The following SLC2A5 variants were observed in gnomAD, a reference collection of about 807,000 sequenced individuals.
The protein encoded by SLC2A5 is solute carrier family 2 member 5.
A neutral mutation model predicts 50.3 loss-of-function variants in SLC2A5; 56 were observed. That is an observed-to-expected ratio of 1.11 (90% CI 0.90 to 1.39). SLC2A5 has a LOEUF of 1.39. SLC2A5 is among the 40% of genes most tolerant of loss of function. The probability of loss-of-function intolerance (pLI) is 0.00; values close to 1 mark genes in which losing one functional copy is unlikely to be tolerated. For synonymous variants in SLC2A5, 269 were observed against 281.9 expected (o/e 0.95, Z 0.46); for missense variants, 566 against 650.1 (o/e 0.87, Z 1.41).
chr1:9,085,670 C>T (rs895901539), intron 1 of SLC2A5, among the ~76,000 whole-genome samples: 1 of 152,160 alleles, frequency 6.6e-6, no homozygotes, highest in African/African-American at 2.4e-5. Context: ...GTTTTAAGAG[C>T]CCTGACTGAG....
chr1:9,085,210 G>A (rs1642390955), intron 1 of SLC2A5: 1 of 152,236 alleles, frequency 6.6e-6, no homozygotes, highest in Non-Finnish European at 1.5e-5. Context: ...AAGTATGAGT[G>A]ACTACGGCCT....
intron 2 of SLC2A5, chr1:9,083,011 C>T (rs565949621): frequency 5.3e-4 from 86 of 161,786 alleles, no homozygotes; most frequent in African/African-American, 1.8e-3. Flanking sequence ...ATTGTGCAAC[C>T]CTGTGAATGC....
chr1:9,084,639 C>T (rs1642386064), intron 2 of SLC2A5, among the ~76,000 whole-genome samples: 1 of 152,192 alleles, frequency 6.6e-6, no homozygotes, highest in African/African-American at 2.4e-5. Flanking sequence ...ACATCAGGCA[C>T]CAGATCCAGA....
At position 9,057,531 on chromosome 1, in the gene SLC2A5, C is replaced by T; in HGVS notation, c.210G>A (p.Leu70=). The T allele has an allele frequency of 6.2e-7, 1 of 1,613,902 alleles. No homozygotes were observed. The part of the protein sequence containing the change: ...EFMEDFPLTL[L]WSVTVSMFPF... ...GAAACATGGACACGGTTACAGACCACAGCAACGTCAAGGGGAAGTCTTCCA... is the reference window on the plus strand; with the variant it reads ...GAAACATGGACACGGTTACAGACCATAGCAACGTCAAGGGGAAGTCTTCCA... The change falls in exon 3 of 12, where the codon CTG becomes CTA. Residue 70 remains leucine, a synonymous_variant. Coordinates refer to ENST00000377424, the MANE Select transcript of SLC2A5 (RefSeq NM_003039.3).
chr1:9,079,347 C>T (rs959879556), intron 2 of SLC2A5, among the ~76,000 whole-genome samples: 1 of 152,142 alleles, frequency 6.6e-6, no homozygotes, highest in African/African-American at 2.4e-5. Context: ...AGAGAGTGCA[C>T]GTGCACAGGA....
At chr1:9,051,089 G>A (rs1040289464) in intron 3 of SLC2A5, among the ~76,000 whole-genome samples, 3 of 152,060 alleles carry the variant, frequency 2.0e-5, no homozygotes, top group African/African-American at 7.2e-5. Flanking sequence ...ATATCAAGGA[G>A]GGAGGTGGAC....
At chr1:9,091,708 T>G (rs933571775), upstream of SLC2A5, among the ~76,000 whole-genome samples, 2 of 152,158 alleles carry the variant, frequency 1.3e-5, no homozygotes, top group East Asian at 3.8e-4. Context: ...TTTTACCACC[T>G]TACTTCCACT....
At chr1:9,086,091 C>T (rs557545265) in intron 1 of SLC2A5, among the ~76,000 whole-genome samples, 27 of 152,262 alleles carry the variant, frequency 1.8e-4, no homozygotes, top group African/African-American at 6.0e-4. Context: ...TGAAGTGGGA[C>T]AGGGAGTTCA....
chr1:9,058,394 C>A (rs1641819990), intron 1 of SLC2A5, 144 bp from the exon 2 acceptor site: 2 of 638,766 alleles, frequency 3.1e-6, no homozygotes, highest in Non-Finnish European at 5.7e-6. Context: ...TACCCTCAAC[C>A]CACCTTGGGT....
At position 9,081,279 on chromosome 1, in the gene SLC2A5, AC is replaced by A. The variant is rs66786949; in HGVS notation, c.-59+3734del. Among the ~76,000 whole-genome samples the A allele has an allele frequency of 5.1e-3, 476 of 93,318 alleles. 6 individuals carry two copies. The highest frequency in any genetic ancestry group is 0.021 in the African/African-American group (428 of 20,802). The allele number at this position is 93,318 out of a possible 152,430, so 61.2% of individuals were successfully genotyped here. On this transcript the variant is annotated intron_variant, in intron 2 of 5. Transcript: ENST00000464985. ...TGTTTCAGAAAAAAAAAAAAAAAAA[AC>A]CCCAAAAAAAAAAAACACGACCAAA...
chr1:9,077,707 T>G (rs1642304331), intron 2 of SLC2A5, among the ~76,000 whole-genome samples: 1 of 122,128 alleles, frequency 8.2e-6, no homozygotes, highest in Non-Finnish European at 1.7e-5. Context: ...ATCATTCCAT[T>G]GCACTCCAGC....
Position 9,040,012 on chromosome 1 carries a change from C to T in SLC2A5, c.698-25G>A. 2 of 1,596,730 alleles carry T rather than the reference C, an allele frequency of 1.3e-6. No homozygotes were observed. The highest frequency in any genetic ancestry group is 1.7e-6 in the Non-Finnish European group (2 of 1,168,694). ...GCTGGGGAGAAGCGGCACCGTCGGA[C>T]CAGGGCTGGGGAGCAGAACCTGGAG... On this transcript the variant is annotated intron_variant, in intron 6 of 11. Transcript: ENST00000377424. This position sits in a 1 kb window ranked among gnomAD's most constrained non-coding sequence, Gnocchi z 4.3.
intron 1 of SLC2A5, among the ~76,000 whole-genome samples, chr1:9,067,727 G>A (rs557693519): frequency 2.2e-4 from 34 of 152,248 alleles, no homozygotes; most frequent in Admixed American, 2.0e-3. Flanking sequence ...CGGGGACATC[G>A]GTTGTCACTC....
intron 3 of SLC2A5, among the ~76,000 whole-genome samples, chr1:9,048,736 A>C (rs2124357835): frequency 6.6e-6 from 1 of 152,046 alleles, no homozygotes; most frequent in South Asian, 2.1e-4. Context: ...GCTCACTGTA[A>C]CCTCGGTCTG....
chr1:9,091,087 T>C (rs901710881), upstream of SLC2A5, among the ~76,000 whole-genome samples: 1 of 152,216 alleles, frequency 6.6e-6, no homozygotes, highest in Non-Finnish European at 1.5e-5. Flanking sequence ...AGGGACTTAC[T>C]TTCCTTCCTC....
Position 9,047,636 on chromosome 1 carries a change from G to A in SLC2A5, c.392C>T (p.Ser131Phe). The A allele has an allele frequency of 6.2e-7, 1 of 1,614,000 alleles. No individual in the cohort carries two copies. Among genetic ancestry groups the A allele is most frequent in the Non-Finnish European group, 8.5e-7 (1 of 1,179,948 alleles). The change falls in exon 4 of 12, where the codon TCC (serine) becomes TTC (phenylalanine). Residue 131 changes from serine to phenylalanine, a missense_variant. Physicochemically the swap from Ser to Phe is radical, Grantham distance 155. Transcript: ENST00000377424. ...TGCACATATTCCCACCAAAAGTCTG[G>A]AAATAATGATAAGCTCAAATGATGT... ...VATSFELIII[S>F]RLLVGICAGV... is the part of the protein sequence containing the mutation.
chr1:9,091,207 A>C (rs1642458347), upstream of SLC2A5, among the ~76,000 whole-genome samples: 1 of 152,156 alleles, frequency 6.6e-6, no homozygotes, highest in African/African-American at 2.4e-5. Context: ...CCCATCCCAG[A>C]CCTTCTATCA....
Position 9,040,410 on chromosome 1 carries a change from C to T in SLC2A5, c.572-221G>A. Reference sequence around the variant, plus strand: ...ACCCCTGCGCCCATCAGACAGACCACACCGACGAGGCCGGTAATACCATGT... The same window carrying T: ...ACCCCTGCGCCCATCAGACAGACCATACCGACGAGGCCGGTAATACCATGT... On this transcript the variant is annotated intron_variant, in intron 5 of 11. Coordinates refer to ENST00000377424, the MANE Select transcript of SLC2A5 (RefSeq NM_003039.3). The surrounding 1 kb of genome is among the most constrained non-coding windows in gnomAD (Gnocchi z 4.3). The T allele has an allele frequency of 3.5e-6, 2 of 574,512 alleles. No homozygotes were observed. The highest frequency in any genetic ancestry group is 6.1e-6 in the Non-Finnish European group (2 of 327,150). 35.6% of individuals were successfully genotyped at this position (574,512 alleles called of 1,614,324 possible). A position where few individuals can be genotyped will look rare whatever the true frequency, so the allele number is the denominator to read the frequency against.
intron 1 of SLC2A5, among the ~76,000 whole-genome samples, chr1:9,067,523 G>A (rs1280729516): frequency 6.6e-6 from 1 of 152,202 alleles, no homozygotes; most frequent in Non-Finnish European, 1.5e-5. Context: ...TCTGGACAGC[G>A]GAGGACCTCC....
Sources: allele counts gnomAD v4.1 joint callset (sites outside exome capture counted in the v4.1 genomes callset), GRCh38; gene constraint gnomAD v4.1.1; non-coding constraint Gnocchi (gnomAD v3.1); transcripts MANE v1.5; gene names NCBI Gene and HGNC (gene_info 2026-07-23, HGNC 2026-07-21).